FHIT: variants seen among roughly 807,000 people sequenced by gnomAD.
FHIT encodes the protein bis(5'-adenosyl)-triphosphatase.
FHIT carries 19 observed loss-of-function variants against 17.9 expected under a neutral mutation model. The observed-to-expected ratio is 1.06, with a 90% CI of 0.74 to 1.56. FHIT has a LOEUF of 1.56. Ranked by LOEUF, FHIT falls within the 40% of genes most tolerant of loss-of-function variation. The pLI is 0.00. For synonymous variants in FHIT, 81 were observed against 69.7 expected (o/e 1.16, Z -0.81); for missense variants, 248 against 189.2 (o/e 1.31, Z -1.82).
chr3:59,942,498 G>C (rs1706575337), intron 7 of FHIT, among the ~76,000 whole-genome samples: 1 of 152,150 alleles, frequency 6.6e-6, no homozygotes, highest in Non-Finnish European at 1.5e-5. Context: ...TTACGAGACA[G>C]AACAAAGGCT....
intron 5 of FHIT, among the ~76,000 whole-genome samples, chr3:60,154,651 C>A (rs763122683): frequency 1.5e-4 from 23 of 152,120 alleles, no homozygotes; most frequent in Non-Finnish European, 2.8e-4. Flanking sequence ...TGGTGCTAAA[C>A]CTTCATTAGT....
intron 4 of FHIT, among the ~76,000 whole-genome samples, chr3:60,700,447 T>C (rs1368968383): frequency 6.6e-6 from 1 of 152,216 alleles, no homozygotes; most frequent in Non-Finnish European, 1.5e-5. Context: ...GTTATTATTA[T>C]TAGTTCCATA....
intron 7 of FHIT, among the ~76,000 whole-genome samples, chr3:59,934,066 A>T (rs1706105230): frequency 6.6e-6 from 1 of 152,148 alleles, no homozygotes. Flanking sequence ...AGCATTCTTT[A>T]CTTATTATCA....
intron 3 of FHIT, among the ~76,000 whole-genome samples, chr3:60,832,853 G>A (rs1702379634): frequency 6.6e-6 from 1 of 152,138 alleles, no homozygotes; most frequent in Admixed American, 6.5e-5. Flanking sequence ...GTTAATAAGA[G>A]ATTTTACGCT....
intron 8 of FHIT, among the ~76,000 whole-genome samples, chr3:59,815,432 CAT>C (rs991151895): frequency 1.9e-4 from 29 of 152,256 alleles, no homozygotes; most frequent in Admixed American, 1.2e-3. Flanking sequence ...CTTGCACACA[CAT>C]GTTTATAGCA....
At chr3:61,134,104 C>T (rs1436292578) in intron 2 of FHIT, among the ~76,000 whole-genome samples, 1 of 150,384 alleles carries the variant, frequency 6.6e-6, no homozygotes, top group Non-Finnish European at 1.5e-5. Context: ...CACACATACA[C>T]ACACACACAC....
chr3:59,854,970 C>T (rs1480890315), intron 8 of FHIT, among the ~76,000 whole-genome samples: 1 of 152,188 alleles, frequency 6.6e-6, no homozygotes, highest in African/African-American at 2.4e-5. Context: ...TAACTACAGA[C>T]CTGATTACTA....
intron 2 of FHIT, among the ~76,000 whole-genome samples, chr3:61,085,768 G>T (rs1175620903): frequency 6.6e-6 from 1 of 151,806 alleles, no homozygotes; most frequent in African/African-American, 2.4e-5. Context: ...CTTATATTTT[G>T]GTCTGTAATC....
Position 59,796,427 on chromosome 3 carries a change from G to A in FHIT, c.349-44106C>T, listed in dbSNP as rs191109880. ...CTCTGTTTCCAGGTTTTTCATGTAC[G>A]TTCTTCTTCTGTTGGGTCTCTCCTC... On this transcript the variant is annotated intron_variant, in intron 8 of 9. Coordinates refer to ENST00000492590, the MANE Select transcript of FHIT (RefSeq NM_002012.4). Among the ~76,000 whole-genome samples the A allele has an allele frequency of 7.2e-5, 11 of 152,126 alleles. 1 individual carries two copies. Among genetic ancestry groups the A allele is most frequent in the Admixed American group, 4.6e-4 (7 of 15,290 alleles).
intron 3 of FHIT, among the ~76,000 whole-genome samples, chr3:61,016,298 T>C (rs1483941072): frequency 6.6e-6 from 1 of 152,108 alleles, no homozygotes; most frequent in East Asian, 1.9e-4. Flanking sequence ...GGAACATAGA[T>C]TTTAAAAAGT....
chr3:61,228,695 A>T (rs935880868), intron 1 of FHIT, among the ~76,000 whole-genome samples: 1 of 152,214 alleles, frequency 6.6e-6, no homozygotes, highest in Admixed American at 6.5e-5. Context: ...CCTGAAAGGC[A>T]TATTTTAGGA....
chr3:60,273,913 C>A (rs1706992510), intron 5 of FHIT, among the ~76,000 whole-genome samples: 2 of 152,126 alleles, frequency 1.3e-5, no homozygotes, highest in Admixed American at 1.3e-4. Flanking sequence ...AGTATCTCAT[C>A]TTTGTGTAGA....
intron 2 of FHIT, among the ~76,000 whole-genome samples, chr3:61,095,625 T>C (rs1317190885): frequency 6.6e-6 from 1 of 152,110 alleles, no homozygotes; most frequent in Admixed American, 6.5e-5. Flanking sequence ...CACCCATCCA[T>C]TGCCCCAACC....
chr3:59,859,798 G>A (rs937200877), intron 8 of FHIT, among the ~76,000 whole-genome samples: 3 of 152,164 alleles, frequency 2.0e-5, no homozygotes, highest in African/African-American at 4.8e-5. Context: ...TGCAGTGTAT[G>A]TTTCTGTATA....
chr3:60,424,120 G>A (rs1399587919), intron 5 of FHIT, among the ~76,000 whole-genome samples: 1 of 152,088 alleles, frequency 6.6e-6, no homozygotes, highest in Non-Finnish European at 1.5e-5. Context: ...TCCCTACAAT[G>A]GTGATTACTA....
intron 4 of FHIT, among the ~76,000 whole-genome samples, chr3:60,677,686 C>A (rs2040656065): frequency 6.6e-6 from 1 of 151,862 alleles, no homozygotes; most frequent in South Asian, 2.1e-4. Context: ...ACACACAGAG[C>A]ACATTTTCTT....
intron 8 of FHIT, among the ~76,000 whole-genome samples, chr3:59,816,801 C>T (rs1559631479): frequency 6.6e-6 from 1 of 152,186 alleles, no homozygotes; most frequent in Non-Finnish European, 1.5e-5. Context: ...ATTTACGTCC[C>T]CTTCAGGATA....
intron 5 of FHIT, among the ~76,000 whole-genome samples, chr3:60,092,801 A>G (rs1297037719): frequency 6.6e-6 from 1 of 152,206 alleles, no homozygotes; most frequent in Non-Finnish European, 1.5e-5. Flanking sequence ...AAGCAAATCA[A>G]AAATATCAGT....
chr3:61,095,445 A>G (rs979406062), intron 2 of FHIT, among the ~76,000 whole-genome samples: 1 of 152,088 alleles, frequency 6.6e-6, no homozygotes, highest in African/African-American at 2.4e-5. Context: ...GGCCTTTTCA[A>G]TCTCCTTCAT....
Sources: gnomAD v4.1 joint callset for allele counts (sites outside exome capture counted in the v4.1 genomes callset) on GRCh38, gnomAD v4.1.1 for gene constraint, MANE v1.5 for transcripts, NCBI Gene and HGNC (gene_info 2026-07-23, HGNC 2026-07-21) for gene names.